ITPK1: variants seen among roughly 807,000 people sequenced by gnomAD.
ITPK1 encodes inositol-tetrakisphosphate 1-kinase.
ITPK1 carries 21 observed loss-of-function variants against 45.3 expected under a neutral mutation model. That is an observed-to-expected ratio of 0.46 (90% CI 0.33 to 0.67). The LOEUF (loss-of-function observed/expected upper bound fraction) is 0.67. Ranked by LOEUF, ITPK1 falls within the 30% of genes least tolerant of loss-of-function variation. The probability of loss-of-function intolerance (pLI) is 0.02; values close to 1 mark genes in which losing one functional copy is unlikely to be tolerated. For synonymous variants in ITPK1, 258 were observed against 253.6 expected (o/e 1.02, Z -0.16); for missense variants, 474 against 573.5 (o/e 0.83, Z 1.77).
At chr14:93,087,635 GA>G (rs1183268358) in intron 2 of ITPK1, among the ~76,000 whole-genome samples, 2 of 152,228 alleles carry the variant, frequency 1.3e-5, no homozygotes, top group Non-Finnish European at 2.9e-5. Flanking sequence ...CTTTGGTGGG[GA>G]GTGGCAGGGG....
chr14:92,988,740 T>C (rs1886629590), intron 5 of ITPK1, among the ~76,000 whole-genome samples: 2 of 152,196 alleles, frequency 1.3e-5, no homozygotes, highest in Admixed American at 1.3e-4. Context: ...TCTGCCCCAC[T>C]AGCTCTGTGA....
intron 3 of ITPK1, among the ~76,000 whole-genome samples, chr14:93,030,941 G>A (rs1889016824): frequency 6.6e-6 from 1 of 152,158 alleles, no homozygotes. Flanking sequence ...GATGAGGGCG[G>A]TACTTCTACA....
intron 4 of ITPK1, among the ~76,000 whole-genome samples, chr14:93,015,888 G>A (rs976950208): frequency 6.6e-6 from 1 of 152,212 alleles, no homozygotes; most frequent in African/African-American, 2.4e-5. Flanking sequence ...GAAAAGCAGG[G>A]CACCAAATCT....
intron 10 of ITPK1, 118 bp from the exon 11 acceptor site, chr14:92,942,022 C>A: frequency 1.1e-6 from 1 of 878,398 alleles, no homozygotes; most frequent in Non-Finnish European, 1.8e-6. Flanking sequence ...GTGCTGTCAG[C>A]GTCCCATTTA....
At chr14:92,968,855 G>C (rs1011282730) in intron 5 of ITPK1, among the ~76,000 whole-genome samples, 2 of 152,138 alleles carry the variant, frequency 1.3e-5, no homozygotes, top group African/African-American at 2.4e-5. Context: ...ACTGAGACTC[G>C]CCCAGCCACA....
intron 5 of ITPK1, among the ~76,000 whole-genome samples, chr14:92,984,069 TG>T (rs750872103): frequency 6.6e-6 from 1 of 152,100 alleles, no homozygotes; most frequent in Non-Finnish European, 1.5e-5. Flanking sequence ...CCTACTGTAA[TG>T]AAAAAATAAT....
intron 3 of ITPK1, chr14:93,070,937 C>T (rs1452185157): frequency 1.3e-5 from 2 of 153,828 alleles, no homozygotes; most frequent in East Asian, 3.8e-4. Context: ...GCCCGTGCGT[C>T]CAGCATTCCC....
At position 92,938,324 on chromosome 14, in the gene ITPK1, A is replaced by C; in HGVS notation, c.*3237T>G. ...AGGGACATTAGTGAAGCCATTCAGC[A>C]GTTGTGGCCAGTGGCCAATGTGAGT... On this transcript the variant is annotated 3_prime_UTR_variant, in exon 11 of 11. Coordinates refer to ENST00000267615, the MANE Select transcript of ITPK1 (RefSeq NM_014216.6). 1 of 663,456 alleles carries C rather than the reference A, an allele frequency of 1.5e-6. No individual in the cohort carries two copies. The highest frequency in any genetic ancestry group is 1.8e-5 in the African/African-American group (1 of 55,820). 41.1% of individuals were successfully genotyped at this position (663,456 alleles called of 1,614,324 possible). A position where few individuals can be genotyped will look rare whatever the true frequency, so the allele number is the denominator to read the frequency against.
At chr14:92,975,469 C>T (rs953851023) in intron 5 of ITPK1, among the ~76,000 whole-genome samples, 1 of 152,128 alleles carries the variant, frequency 6.6e-6, no homozygotes, top group African/African-American at 2.4e-5. Context: ...TGGGACCTGC[C>T]CTAGAGCCTA....
intron 3 of ITPK1, among the ~76,000 whole-genome samples, chr14:93,031,625 G>A (rs1889066440): frequency 1.3e-5 from 2 of 152,122 alleles, no homozygotes; most frequent in South Asian, 4.1e-4. Context: ...GGGCTTTAAT[G>A]AGGGCCATAG....
chr14:93,006,442 G>A (rs890254881), intron 4 of ITPK1, among the ~76,000 whole-genome samples: 18 of 152,222 alleles, frequency 1.2e-4, no homozygotes, highest in Non-Finnish European at 1.9e-4. Context: ...TGTGTGGGGC[G>A]GAGCAGGGCA....
At chr14:93,002,413 C>T (rs947823601) in intron 4 of ITPK1, among the ~76,000 whole-genome samples, 1 of 152,164 alleles carries the variant, frequency 6.6e-6, no homozygotes. Flanking sequence ...GCTCTCCCTG[C>T]GAGCAGTGGC....
chr14:93,092,478 G>A (rs1891901724), intron 2 of ITPK1, among the ~76,000 whole-genome samples: 1 of 152,210 alleles, frequency 6.6e-6, no homozygotes, highest in African/African-American at 2.4e-5. Flanking sequence ...CCCAAAGCAG[G>A]CCTGACCCAC....
chr14:92,954,410 G>GA (rs1316043549), intron 8 of ITPK1, among the ~76,000 whole-genome samples: 5 of 152,336 alleles, frequency 3.3e-5, no homozygotes, highest in African/African-American at 1.2e-4. Context: ...CCAGCTCCAA[G>GA]AGAGTCGGTT....
At chr14:93,037,564 A>G (rs1889374117) in intron 3 of ITPK1, among the ~76,000 whole-genome samples, 1 of 152,074 alleles carries the variant, frequency 6.6e-6, no homozygotes, top group South Asian at 2.1e-4. Flanking sequence ...CCACTTCACA[A>G]CGGGAGTCCA....
chr14:92,940,883 G>A lies in ITPK1; in HGVS notation c.*678C>T. The A allele has an allele frequency of 1.6e-5, 21 of 1,288,692 alleles. No individual in the cohort carries two copies. The South Asian group carries it at 2.6e-4, about 16-fold the overall frequency. The allele number at this position is 1,288,692 out of a possible 1,614,324, so 79.8% of individuals were successfully genotyped here. On this transcript the variant is annotated 3_prime_UTR_variant, in exon 11 of 11. Coordinates refer to ENST00000267615, the MANE Select transcript of ITPK1 (RefSeq NM_014216.6). ...GGAGACCGCTGTGCAGGGCTAAATG[G>A]GACGTGTGTTGGGGGGCCCAGAGGA...
chr14:92,973,118 C>T (rs565115552), intron 5 of ITPK1, among the ~76,000 whole-genome samples: 16 of 152,304 alleles, frequency 1.1e-4, no homozygotes, highest in South Asian at 4.1e-4. Context: ...CCCACAGTCA[C>T]GTCTTTCTAG....
chr14:93,018,730 C>G (rs1888317695), intron 3 of ITPK1, among the ~76,000 whole-genome samples: 1 of 152,114 alleles, frequency 6.6e-6, no homozygotes, highest in African/African-American at 2.4e-5. Flanking sequence ...TGAGACTTGG[C>G]GCCGGCTCAT....
chr14:92,962,897 C>A (rs1394060217), intron 5 of ITPK1, 48 bp from the exon 6 acceptor site: 1 of 1,376,234 alleles, frequency 7.3e-7, no homozygotes, highest in Non-Finnish European at 1.0e-6. Context: ...GGCAGCCGCC[C>A]CAGGTGCACG....
Sources: allele counts gnomAD v4.1 joint callset (sites outside exome capture counted in the v4.1 genomes callset), GRCh38; gene constraint gnomAD v4.1.1; transcripts MANE v1.5; gene names NCBI Gene and HGNC (gene_info 2026-07-23, HGNC 2026-07-21).